Variants in DIPK2B observed in about 807,000 individuals in gnomAD.
The protein encoded by DIPK2B is UPF0672 protein CXorf36.
Under a neutral mutation model 22.2 loss-of-function variants are expected in DIPK2B, and 15 were observed. That is an observed-to-expected ratio of 0.68 (90% CI 0.45 to 1.04). DIPK2B has a LOEUF of 1.04. Among genes scored for constraint, DIPK2B ranks in the 50% least tolerant of loss-of-function variants. The pLI is 0.00. For missense variants in DIPK2B, 345 were observed against 348.3 expected (o/e 0.99, Z 0.08); for synonymous variants, 163 against 153.2 (o/e 1.06, Z -0.47).
chrX:45,162,877 T>C (rs2047029178), intron 2 of DIPK2B: 1 of 752,538 alleles, frequency 1.3e-6, no homozygotes, highest in Non-Finnish European at 1.6e-6. Context: ...TGTTACTTGA[T>C]AGGGGCCTTT....
intron 2 of DIPK2B, among the ~76,000 whole-genome samples, 156 bp from the exon 3 acceptor site, chrX:45,158,044 A>G (rs1422437936): frequency 7.7e-5 from 1 of 13,034 alleles, no homozygotes; most frequent in African/African-American, 3.3e-4. Flanking sequence ...AAAGACCTGC[A>G]GGAGTGGGGA....
chrX:45,159,155 G>T (rs1957264566), intron 2 of DIPK2B, among the ~76,000 whole-genome samples: 1 of 110,475 alleles, frequency 9.1e-6, no homozygotes, highest in South Asian at 3.9e-4. Flanking sequence ...GGCGGGGGTG[G>T]GGATAAGTAA....
At chrX:45,160,772 C>G (rs2047018363) in intron 2 of DIPK2B, among the ~76,000 whole-genome samples, 2 of 111,758 alleles carry the variant, frequency 1.8e-5, no homozygotes, top group Non-Finnish European at 3.8e-5. Context: ...TTGATTTTAT[C>G]TAGAAGGGAT....
chrX:45,154,278 C>CCTATCAT (rs2046978365), intron 3 of DIPK2B, 80 bp from the exon 4 acceptor site: 1 of 604,159 alleles, frequency 1.7e-6, no homozygotes, highest in East Asian at 3.7e-5. Context: ...TATCTATCTC[C>CCTATCAT]CTATCTATCT....
chrX:45,169,939 A>G (rs2047070161), intron 2 of DIPK2B, among the ~76,000 whole-genome samples: 1 of 111,461 alleles, frequency 9.0e-6, no homozygotes, highest in African/African-American at 3.3e-5. Context: ...AGGAAAACCC[A>G]AGGGTCAGAA....
rs1319576087 is a variant in DIPK2B at position 45,148,527 on chromosome X, G to A, written c.*3125C>T. 2 of 109,725 alleles carry A rather than the reference G, an allele frequency of 1.8e-5. No homozygotes were observed. Among genetic ancestry groups the A allele is most frequent in the African/African-American group, 6.7e-5 (2 of 30,005 alleles). The allele number at this position is 109,725 out of a possible 1,213,427, so 9.0% of individuals were successfully genotyped here. ...CAGGTGTGTCACATGGTGAGAGCGG[G>A]AGTGAGAGGGAGAGTTGGGGGAGGG... is the stretch of plus-strand genomic sequence containing the variant. On this transcript the variant is annotated 3_prime_UTR_variant, in exon 5 of 5. Transcript: ENST00000398000.
At chrX:45,179,731 AG>A (rs2047138934) in intron 2 of DIPK2B, among the ~76,000 whole-genome samples, 1 of 111,805 alleles carries the variant, frequency 8.9e-6, no homozygotes, top group African/African-American at 3.3e-5. Flanking sequence ...GTCCAAACTA[AG>A]AACATAGAGA....
chrX:45,191,231 G>C (rs1434369861), intron 2 of DIPK2B, among the ~76,000 whole-genome samples: 1 of 112,812 alleles, frequency 8.9e-6, no homozygotes, highest in African/African-American at 3.2e-5. Context: ...GGTGGGAAGA[G>C]GATGCTGTAT....
chrX:45,187,203 G>C (rs2047187957), intron 2 of DIPK2B, among the ~76,000 whole-genome samples: 1 of 111,751 alleles, frequency 8.9e-6, no homozygotes, highest in South Asian at 3.7e-4. Flanking sequence ...ACACAGTGGA[G>C]GATATGTGTT....
chrX:45,158,606 C>T (rs1426710830), intron 2 of DIPK2B, among the ~76,000 whole-genome samples: 2 of 110,112 alleles, frequency 1.8e-5, no homozygotes, highest in East Asian at 5.7e-4. Context: ...CCTTTTTCCC[C>T]ATGCTGAACA....
rs749210148 is a variant in DIPK2B at position 45,151,813 on chromosome X, C to G, written c.1141G>C (p.Asp381His). Residue 381 changes from aspartate to histidine, a missense_variant, in exon 5 of 5, where the codon GAC becomes CAC. Physicochemically the swap from Asp to His is moderately conservative, Grantham distance 81. Coordinates refer to ENST00000398000, the MANE Select transcript of DIPK2B (RefSeq NM_176819.4). Reference sequence around the variant, plus strand: ...CACTGAACAAGGATGGAGTCTATGTCGTCTTGCACTGGGGAGGGGAACCTC... The same window carrying G: ...CACTGAACAAGGATGGAGTCTATGTGGTCTTGCACTGGGGAGGGGAACCTC... ...QGRFPSPVQD[D>H]IDSILVQCGD... The G allele has an allele frequency of 2.5e-6, 3 of 1,212,005 alleles. No individual in the cohort carries two copies. The highest frequency in any genetic ancestry group is 1.8e-5 in the South Asian group (1 of 57,009).
chrX:45,173,819 C>A (rs756252090), intron 2 of DIPK2B, among the ~76,000 whole-genome samples: 51 of 110,878 alleles, frequency 4.6e-4, no homozygotes, highest in African/African-American at 1.5e-3. Context: ...GATCCTCCCG[C>A]CTTGGCCTCC....
At chrX:45,173,517 CTT>C (rs1389105717) in intron 2 of DIPK2B, among the ~76,000 whole-genome samples, 1 of 74,142 alleles carries the variant, frequency 1.3e-5, no homozygotes, top group Non-Finnish European at 2.4e-5. Context: ...CTTTCTTTTT[CTT>C]TCTTTCTTTC....
intron 2 of DIPK2B, among the ~76,000 whole-genome samples, chrX:45,175,589 T>C (rs867618593): frequency 1.1e-5 from 1 of 94,633 alleles, no homozygotes; most frequent in Non-Finnish European, 2.1e-5. Flanking sequence ...ACGTATATGT[T>C]TAAATATATA....
chrX:45,162,529 G>A (rs891904776), intron 2 of DIPK2B: 2 of 752,245 alleles, frequency 2.7e-6, no homozygotes, highest in African/African-American at 4.6e-5. Context: ...CTGGCCATGT[G>A]CAAACCCACA....
In DIPK2B at chrX:45,197,895, A is replaced by G. The variant is rs186879538; in HGVS notation, c.233+2699T>C. Among the ~76,000 whole-genome samples, 7 of 112,054 alleles carry G rather than the reference A, an allele frequency of 6.2e-5. No homozygotes were observed. In the East Asian group the frequency reaches 1.4e-3, roughly 22 times the overall value. ...TAGCTACAGGGATGTTTGACATAGA[A>G]CTGTTTATAATACCAAAAAATGAAA... On this transcript the variant is annotated intron_variant, in intron 1 of 4. Coordinates refer to ENST00000398000, the MANE Select transcript of DIPK2B (RefSeq NM_176819.4).
At chrX:45,188,686 A>G (rs1165841281) in intron 2 of DIPK2B, among the ~76,000 whole-genome samples, 4 of 112,485 alleles carry the variant, frequency 3.6e-5, no homozygotes, top group African/African-American at 1.3e-4. Flanking sequence ...ATCTAATTCC[A>G]GAATCATTTC....
Position 45,150,711 on chromosome X carries a change from C to T in DIPK2B, c.*941G>A, listed in dbSNP as rs1475002277. ...GACACGGGGCTCTTCTGATGGCTGC[C>T]TTTGTCTTGAGGACACCCTGACAGC... is the stretch of plus-strand genomic sequence containing the variant. On this transcript the variant is annotated 3_prime_UTR_variant, in exon 5 of 5. Coordinates refer to ENST00000398000, the MANE Select transcript of DIPK2B (RefSeq NM_176819.4). 9.0e-6 allele frequency: 1 copy of T among 111,320 alleles called. No individual in the cohort carries two copies. Among genetic ancestry groups the T allele is most frequent in the Non-Finnish European group, 1.9e-5 (1 of 53,059 alleles). The allele number at this position is 111,320 out of a possible 1,213,427, so 9.2% of individuals were successfully genotyped here.
chrX:45,172,775 C>T (rs2047091126), intron 2 of DIPK2B, among the ~76,000 whole-genome samples: 1 of 112,175 alleles, frequency 8.9e-6, no homozygotes, highest in African/African-American at 3.2e-5. Context: ...TAAAGCTTGT[C>T]ATAATTCTCC....
Sources: allele counts gnomAD v4.1 joint callset (sites outside exome capture counted in the v4.1 genomes callset), GRCh38; gene constraint gnomAD v4.1.1; transcripts MANE v1.5; gene names NCBI Gene and HGNC (gene_info 2026-07-23, HGNC 2026-07-21).